The following MARCHF1 variants were observed in gnomAD, a reference collection of about 807,000 sequenced individuals.
The protein encoded by MARCHF1 is membrane associated ring-CH-type finger 1.
MARCHF1 carries 40 observed loss-of-function variants against 54.2 expected under a neutral mutation model. The observed-to-expected ratio is 0.74, with a 90% CI of 0.57 to 0.96. The LOEUF is 0.96. Among genes scored for constraint, MARCHF1 ranks in the 40% least tolerant of loss-of-function variants. The pLI, the probability that MARCHF1 is intolerant of heterozygous loss-of-function variation, is 0.00. For missense variants in MARCHF1, 586 were observed against 656.5 expected (o/e 0.89, Z 1.17); for synonymous variants, 236 against 236.3 (o/e 1.00, Z 0.01).
intron 5 of MARCHF1, among the ~76,000 whole-genome samples, chr4:163,637,084 C>T (rs1217490950): frequency 1.3e-5 from 2 of 151,016 alleles, no homozygotes; most frequent in East Asian, 3.9e-4. Context: ...ACACCTTATA[C>T]AAAAATCAAT....
chr4:164,151,539 C>T (rs1254385821), intron 1 of MARCHF1, among the ~76,000 whole-genome samples: 1 of 152,082 alleles, frequency 6.6e-6, no homozygotes, highest in Non-Finnish European at 1.5e-5. Flanking sequence ...AGAAATTGTG[C>T]TCAGAATTGG....
chr4:163,631,990 T>G lies in MARCHF1; in HGVS notation c.163-18597A>C, dbSNP rs368269432. On this transcript the variant is annotated intron_variant, in intron 5 of 9. Transcript: ENST00000514618. ...CGGCCAAAAAACACATGAAAAGATG[T>G]TGAACATCACTAATAATGAGGGAAA... Among the ~76,000 whole-genome samples the G allele has an allele frequency of 3.9e-4, 60 of 152,228 alleles. 1 individual carries two copies. Among genetic ancestry groups the G allele is most frequent in the African/African-American group, 1.4e-3 (58 of 41,540 alleles).
intron 1 of MARCHF1, among the ~76,000 whole-genome samples, chr4:164,157,852 C>G (rs1287058942): frequency 1.3e-5 from 2 of 152,058 alleles, no homozygotes. Context: ...GTTATGATTA[C>G]AACATATATT....
chr4:164,199,671 CACACACACACAGAGAGAGAG>C (rs1731390795), intron 1 of MARCHF1, among the ~76,000 whole-genome samples: 2 of 56,748 alleles, frequency 3.5e-5, no homozygotes, highest in African/African-American at 9.5e-5. Context: ...CACACACACA[CACACACACACAGAGAGAGAG>C]AGAGAGAGAG....
At chr4:163,889,992 T>G (rs1433674819) in intron 3 of MARCHF1, among the ~76,000 whole-genome samples, 1 of 148,554 alleles carries the variant, frequency 6.7e-6, no homozygotes, top group Non-Finnish European at 1.5e-5. Context: ...TGGCACTGTT[T>G]CGGCTCACTG....
chr4:163,786,785 C>A lies in MARCHF1; in HGVS notation c.111+67236G>T, dbSNP rs545802423. 2.6e-5 allele frequency among the ~76,000 whole-genome samples: 4 copies of A among 151,960 alleles called. No individual in the cohort carries two copies. The East Asian group carries it at 5.8e-4, about 22-fold the overall frequency. On this transcript the variant is annotated intron_variant, in intron 4 of 9. Coordinates refer to ENST00000514618, the MANE Select transcript of MARCHF1 (RefSeq NM_001394959.1). ...AAGGACACTAAATAGCAAAAACAAT[C>A]TTGAAAAGAAAGAACAAAATTAGTG... is the stretch of plus-strand genomic sequence containing the variant.
chr4:164,381,758 A>G (rs1211176036), intron 1 of MARCHF1, among the ~76,000 whole-genome samples: 3 of 152,238 alleles, frequency 2.0e-5, no homozygotes, highest in South Asian at 2.1e-4. Context: ...TGCTATTACA[A>G]TACTTGAGGA....
chr4:163,917,739 C>A (rs1235005152), intron 3 of MARCHF1, among the ~76,000 whole-genome samples: 1 of 152,064 alleles, frequency 6.6e-6, no homozygotes, highest in Non-Finnish European at 1.5e-5. Flanking sequence ...GTTAAGACCC[C>A]AGCATCCATT....
chr4:163,709,539 G>C (rs1745045661), intron 4 of MARCHF1, among the ~76,000 whole-genome samples: 1 of 152,162 alleles, frequency 6.6e-6, no homozygotes, highest in Non-Finnish European at 1.5e-5. Flanking sequence ...ACTCAACAGA[G>C]TGTATATCAT....
At chr4:163,874,077 A>G (rs1005076406) in intron 3 of MARCHF1, among the ~76,000 whole-genome samples, 17 of 152,358 alleles carry the variant, frequency 1.1e-4, no homozygotes, top group African/African-American at 4.1e-4. Context: ...AAACATAAAT[A>G]TAGTCTAGGC....
At chr4:164,240,786 T>A (rs1029870012) in intron 1 of MARCHF1, among the ~76,000 whole-genome samples, 2 of 152,094 alleles carry the variant, frequency 1.3e-5, no homozygotes, top group Admixed American at 1.3e-4. Flanking sequence ...TGATAGTAGC[T>A]ATCATGACAT....
At chr4:164,335,127 A>G (rs1490721049) in intron 1 of MARCHF1, among the ~76,000 whole-genome samples, 1 of 152,232 alleles carries the variant, frequency 6.6e-6, no homozygotes, top group Non-Finnish European at 1.5e-5. Flanking sequence ...TATTTAGAGT[A>G]TTACACAAAC....
At chr4:164,198,708 G>T (rs1482172537) in intron 1 of MARCHF1, among the ~76,000 whole-genome samples, 1 of 152,176 alleles carries the variant, frequency 6.6e-6, no homozygotes, top group East Asian at 1.9e-4. Flanking sequence ...AGGAAACATG[G>T]CAGAAGCCTT....
At chr4:163,610,478 C>T (rs1053960361) in intron 7 of MARCHF1, among the ~76,000 whole-genome samples, 1 of 152,002 alleles carries the variant, frequency 6.6e-6, no homozygotes, top group Non-Finnish European at 1.5e-5. Flanking sequence ...CCAGTCACTA[C>T]GACTTTAATT....
At chr4:163,781,038 G>A (rs371759936) in intron 4 of MARCHF1, among the ~76,000 whole-genome samples, 14 of 152,152 alleles carry the variant, frequency 9.2e-5, no homozygotes, top group African/African-American at 2.9e-4. Context: ...AAGACACAAG[G>A]AAAGGACAAT....
At chr4:163,715,815 C>T (rs1745239347) in intron 4 of MARCHF1, among the ~76,000 whole-genome samples, 1 of 152,050 alleles carries the variant, frequency 6.6e-6, no homozygotes, top group African/African-American at 2.4e-5. Flanking sequence ...GGCATTAATG[C>T]CTTTGACCAC....
intron 5 of MARCHF1, among the ~76,000 whole-genome samples, chr4:163,626,428 G>C (rs1741873967): frequency 6.6e-6 from 1 of 152,202 alleles, no homozygotes; most frequent in South Asian, 2.1e-4. Flanking sequence ...TATAATTTAT[G>C]AGTGTGAAAA....
chr4:164,376,674 A>T (rs866769210), intron 1 of MARCHF1, among the ~76,000 whole-genome samples: 5 of 152,156 alleles, frequency 3.3e-5, no homozygotes, highest in South Asian at 2.1e-4. Context: ...GCGAGGCTCC[A>T]TGGTGGTGTT....
chr4:163,602,840 A>G (rs1157645929), intron 7 of MARCHF1, among the ~76,000 whole-genome samples: 1 of 152,182 alleles, frequency 6.6e-6, no homozygotes, highest in Non-Finnish European at 1.5e-5. Context: ...AAGTAACAGA[A>G]TAAGTAACAA....
Sources: allele counts gnomAD v4.1 joint callset (sites outside exome capture counted in the v4.1 genomes callset), GRCh38; gene constraint gnomAD v4.1.1; transcripts MANE v1.5; gene names NCBI Gene and HGNC (gene_info 2026-07-23, HGNC 2026-07-21).